SHROOM3: variants seen among roughly 807,000 people sequenced by gnomAD.
The protein encoded by SHROOM3 is shroom family member 3.
SHROOM3 carries 47 observed loss-of-function variants against 138.6 expected under a neutral mutation model. The observed-to-expected ratio is 0.34, with a 90% confidence interval of 0.27 to 0.43. The LOEUF (loss-of-function observed/expected upper bound fraction) is 0.43. SHROOM3 is among the 20% of genes least tolerant of loss of function. SHROOM3 has a pLI of 1.00. For synonymous variants in SHROOM3, 1,062 were observed against 1,063.3 expected, an observed-to-expected ratio of 1.00 and a Z score of 0.02; for missense variants, 2,491 against 2,596.5, an observed-to-expected ratio of 0.96 and a Z score of 0.88.
chr4:76,466,587 G>A (rs1207834173), intron 1 of SHROOM3, among the ~76,000 whole-genome samples: 4 of 152,088 alleles, frequency 2.6e-5, no homozygotes, highest in Non-Finnish European at 4.4e-5. Context: ...CAGAAGTAGG[G>A]GCCCTGCTGT....
chr4:76,776,854 G>T (rs934852326), intron 10 of SHROOM3, among the ~76,000 whole-genome samples: 3 of 152,120 alleles, frequency 2.0e-5, no homozygotes, highest in East Asian at 1.9e-4. Flanking sequence ...GTTGAATAGG[G>T]TGACCTTTCT....
intron 2 of SHROOM3, among the ~76,000 whole-genome samples, chr4:76,622,843 G>A (rs562317659): frequency 6.6e-6 from 1 of 152,204 alleles, no homozygotes; most frequent in South Asian, 2.1e-4. Flanking sequence ...TTTGAGAGTC[G>A]GGAGGGAGGG....
intron 1 of SHROOM3, among the ~76,000 whole-genome samples, chr4:76,463,590 C>G (rs1731186323): frequency 6.6e-6 from 1 of 152,298 alleles, no homozygotes; most frequent in African/African-American, 2.4e-5. Flanking sequence ...GAAAATGTCT[C>G]CAAGACATTT....
intron 2 of SHROOM3, among the ~76,000 whole-genome samples, chr4:76,564,679 T>A (rs1347522463): frequency 1.3e-5 from 2 of 152,202 alleles, no homozygotes; most frequent in African/African-American, 4.8e-5. Flanking sequence ...GGGTTACATA[T>A]GCTTACTGGC....
At chr4:76,650,647 C>T (rs937318137) in intron 2 of SHROOM3, among the ~76,000 whole-genome samples, 8 of 151,948 alleles carry the variant, frequency 5.3e-5, no homozygotes, top group Non-Finnish European at 1.0e-4. Flanking sequence ...CGGGTTCAAG[C>T]GATTCTCCTG....
intron 2 of SHROOM3, among the ~76,000 whole-genome samples, chr4:76,593,873 C>A (rs1320742673): frequency 6.6e-6 from 1 of 152,168 alleles, no homozygotes; most frequent in Non-Finnish European, 1.5e-5. Flanking sequence ...CAGTTCCCAA[C>A]ACCGATGATG....
intron 2 of SHROOM3, among the ~76,000 whole-genome samples, chr4:76,643,994 G>C (rs879635954): frequency 6.6e-6 from 1 of 151,954 alleles, no homozygotes; most frequent in Non-Finnish European, 1.5e-5. Context: ...ACAGGCATGT[G>C]CCACCACGCC....
intron 2 of SHROOM3, among the ~76,000 whole-genome samples, chr4:76,567,260 C>T (rs766032935): frequency 4.6e-5 from 7 of 152,204 alleles, no homozygotes; most frequent in East Asian, 1.9e-4. Flanking sequence ...GGGTGCCAGG[C>T]GCGGTTGCTC....
intron 1 of SHROOM3, among the ~76,000 whole-genome samples, chr4:76,527,286 T>C (rs1009229595): frequency 2.6e-5 from 4 of 152,288 alleles, no homozygotes; most frequent in Middle Eastern, 3.4e-3. Context: ...AATAACCTTC[T>C]AGAAAAAGGC....
intron 2 of SHROOM3, among the ~76,000 whole-genome samples, chr4:76,600,802 A>G (rs987506710): frequency 2.0e-5 from 3 of 152,188 alleles, no homozygotes; most frequent in East Asian, 3.8e-4. Context: ...TATTTTTCTT[A>G]TCTCACCTGT....
chr4:76,754,829 C>T lies in SHROOM3; in HGVS notation c.4346C>T (p.Pro1449Leu), dbSNP rs1721750880. 2 of 1,614,146 alleles carry T rather than the reference C, an allele frequency of 1.2e-6. No homozygotes were observed. Among genetic ancestry groups the T allele is most frequent in the Non-Finnish European group, 1.7e-6 (2 of 1,180,014 alleles). The change falls in exon 7 of 11, where the codon CCT (proline) becomes CTT (leucine). Residue 1449 changes from proline to leucine, a missense_variant. This residue lies in a region of SHROOM3 where 1,733 missense variants were observed against 1,661.6 expected (regional missense o/e 1.04). Transcript: ENST00000296043. ...EDSLPEESSA[P>L]DFANLKHYQK... ...AGCCTTCCTGAGGAATCCTCAGCCC[C>T]TGATTTTGCAAACCTGAAGCACTAT...
At chr4:76,604,647 T>C (rs1734578720) in intron 2 of SHROOM3, among the ~76,000 whole-genome samples, 1 of 152,240 alleles carries the variant, frequency 6.6e-6, no homozygotes, top group Non-Finnish European at 1.5e-5. Context: ...AATCATTGTT[T>C]TTTAAGCATT....
intron 2 of SHROOM3, among the ~76,000 whole-genome samples, chr4:76,633,332 C>CAAAAAAAA (rs56002974): frequency 6.0e-5 from 5 of 83,840 alleles, no homozygotes; most frequent in Non-Finnish European, 1.2e-4. Context: ...GACTCAGTCT[C>CAAAAAAAA]AAAAAAAAAA....
chr4:76,564,883 T>C (rs1733667282), intron 2 of SHROOM3, among the ~76,000 whole-genome samples: 1 of 152,096 alleles, frequency 6.6e-6, no homozygotes, highest in African/African-American at 2.4e-5. Flanking sequence ...CACTCAAGGC[T>C]GGGTGCGGTG....
At chr4:76,772,149 G>A (rs544872664) in intron 10 of SHROOM3, among the ~76,000 whole-genome samples, 1 of 146,370 alleles carries the variant, frequency 6.8e-6, no homozygotes, top group Admixed American at 6.9e-5. Context: ...CGTCACCCAG[G>A]CTTGAGTGCA....
chr4:76,506,988 A>C (rs922312875), intron 1 of SHROOM3, among the ~76,000 whole-genome samples: 2 of 152,240 alleles, frequency 1.3e-5, no homozygotes, highest in African/African-American at 2.4e-5. Context: ...GGACCAAGGC[A>C]TAAAAGGTGA....
In SHROOM3 at chr4:76,731,555, C is replaced by T. The variant is rs779080740; in HGVS notation, c.587+620C>T. ...CAGCACTTTGGGAGGCCAAGGAGGG[C>T]GGATCACCTGAGGTCAGGAGTTCAA... On this transcript the variant is annotated intron_variant, in intron 4 of 10. Coordinates refer to ENST00000296043, the MANE Select transcript of SHROOM3 (RefSeq NM_020859.4). 4.7e-4 allele frequency among the ~76,000 whole-genome samples: 72 copies of T among 152,090 alleles called. No homozygotes were observed. The Middle Eastern group carries it at 0.01, about 22-fold the overall frequency.
intron 2 of SHROOM3, among the ~76,000 whole-genome samples, chr4:76,568,155 A>G (rs1201484714): frequency 6.6e-6 from 1 of 152,182 alleles, no homozygotes; most frequent in Non-Finnish European, 1.5e-5. Context: ...GGTTCCTGGC[A>G]CACAAATGTG....
intron 3 of SHROOM3, chr4:76,716,380 T>A (rs746152951): frequency 9.6e-6 from 5 of 519,056 alleles, no homozygotes; most frequent in Non-Finnish European, 1.5e-5. Context: ...GCCAGAGGGT[T>A]GCTATCTGGG....
Sources: allele counts gnomAD v4.1 joint callset (sites outside exome capture counted in the v4.1 genomes callset), GRCh38; gene constraint gnomAD v4.1.1; regional missense constraint gnomAD v4.1.1; transcripts MANE v1.5; gene names NCBI Gene and HGNC (gene_info 2026-07-23, HGNC 2026-07-21).